Variants in DOP1A observed in about 807,000 individuals in gnomAD.
DOP1A encodes DOP1 leucine zipper like protein A, also known as protein DOP1A.
A neutral mutation model predicts 267.6 loss-of-function variants in DOP1A; 90 were observed. The observed-to-expected ratio is 0.34, with a 90% CI of 0.28 to 0.40. DOP1A has a LOEUF of 0.40. Ranked by LOEUF, DOP1A falls within the 10% of genes least tolerant of loss-of-function variation. The probability of loss-of-function intolerance (pLI) is 1.00; values close to 1 mark genes in which losing one functional copy is unlikely to be tolerated. For synonymous variants in DOP1A, 932 were observed against 999.1 expected, an observed-to-expected ratio of 0.93 and a Z score of 1.27; for missense variants, 2,437 against 2,900.4, an observed-to-expected ratio of 0.84 and a Z score of 3.67.
At chr6:83,136,609 C>T (rs1012490310) in intron 20 of DOP1A, among the ~76,000 whole-genome samples, 10 of 152,098 alleles carry the variant, frequency 6.6e-5, no homozygotes, top group African/African-American at 2.4e-4. Flanking sequence ...CATAGTCCTA[C>T]TTCATCTCTA....
Position 83,121,964 on chromosome 6 carries a change from G to T in DOP1A, c.1134G>T (p.Val378=), listed in dbSNP as rs1776439827. The change falls in exon 11 of 39, where the codon GTG becomes GTT. Residue 378 remains valine (V), a synonymous_variant. Transcript: ENST00000349129. Reference sequence around the variant, plus strand: ...TTCTAGAAGATGTCCTGATTGAAGTGTTTAGAACATTATATTCTCAATGCA... The same window carrying T: ...TTCTAGAAGATGTCCTGATTGAAGTTTTTAGAACATTATATTCTCAATGCA... ...PVILEDVLIE[V]FRTLYSQCKA... 1 of 1,610,690 alleles carries T rather than the reference G, an allele frequency of 6.2e-7. No homozygotes were observed. Among genetic ancestry groups the T allele is most frequent in the African/African-American group, 1.3e-5 (1 of 74,784 alleles).
At chr6:83,130,439 C>T (rs745644116) in intron 17 of DOP1A, 42 bp downstream of exon 17, 13 of 1,564,998 alleles carry the variant, frequency 8.3e-6, no homozygotes, top group African/African-American at 2.7e-5. Context: ...ATGATTACAG[C>T]CATGTATGAT....
chr6:83,094,674 T>C (rs1253904705), intron 1 of DOP1A, among the ~76,000 whole-genome samples: 1 of 152,242 alleles, frequency 6.6e-6, no homozygotes, highest in Middle Eastern at 3.2e-3. Flanking sequence ...TGACCATTTG[T>C]ACATTTTCCT....
chr6:83,166,761 T>G (rs2128460119), intron 38 of DOP1A: 2 of 1,098,180 alleles, frequency 1.8e-6, no homozygotes, highest in African/African-American at 3.3e-5. Context: ...AAGCTGGATT[T>G]TGCATCTGCT....
chr6:83,100,627 A>G, intron 3 of DOP1A, 78 bp from the exon 4 acceptor site: 2 of 1,024,784 alleles, frequency 2.0e-6, no homozygotes, highest in Non-Finnish European at 2.7e-6. Context: ...CATTTTTTAT[A>G]ATACTATGCT....
chr6:83,161,387 A>G (rs1784198545), intron 37 of DOP1A: 1 of 152,212 alleles, frequency 6.6e-6, no homozygotes, highest in Non-Finnish European at 1.5e-5. Context: ...CCATATTTGG[A>G]AAGTTCAAAA....
chr6:83,075,948 C>T (rs1442307480), intron 1 of DOP1A, among the ~76,000 whole-genome samples: 2 of 152,070 alleles, frequency 1.3e-5, no homozygotes, highest in East Asian at 1.9e-4. Context: ...TTGGATATGA[C>T]AGCAAAAGCA....
chr6:83,118,834 A>C, intron 7 of DOP1A, 54 bp from the exon 8 acceptor site: 2 of 1,497,208 alleles, frequency 1.3e-6, no homozygotes, highest in Non-Finnish European at 1.8e-6. Context: ...AAAGAGGAAA[A>C]AAATAATATA....
intron 27 of DOP1A, among the ~76,000 whole-genome samples, chr6:83,149,776 G>A (rs555710299): frequency 1.5e-4 from 23 of 152,190 alleles, no homozygotes; most frequent in African/African-American, 5.3e-4. Flanking sequence ...GATAAAGAAG[G>A]AGAAGGGGCC....
chr6:83,151,913 G>A lies in DOP1A; in HGVS notation c.5935G>A (p.Gly1979Ser). ...DVTHKIVDAI[G>S]AIAGSSLEQT... is the part of the protein sequence containing the mutation. ...AACTCACAAAATAGTGGATGCAATTGGTGCAATTGCTGGTTCTTCTCTGGA... is the reference window on the plus strand; with the variant it reads ...AACTCACAAAATAGTGGATGCAATTAGTGCAATTGCTGGTTCTTCTCTGGA... Residue 1979 changes from glycine to serine, a missense_variant, in exon 29 of 39, where the codon GGT (glycine) becomes AGT (serine). Physicochemically the swap from Gly to Ser is moderately conservative, Grantham distance 56. Coordinates refer to ENST00000349129, the MANE Select transcript of DOP1A (RefSeq NM_015018.4). The A allele has an allele frequency of 6.2e-7, 1 of 1,613,664 alleles. No individual in the cohort carries two copies. Among genetic ancestry groups the A allele is most frequent in the Non-Finnish European group, 8.5e-7 (1 of 1,179,806 alleles).
chr6:83,068,876 T>C (rs567216700), intron 1 of DOP1A, among the ~76,000 whole-genome samples: 1 of 152,364 alleles, frequency 6.6e-6, no homozygotes, highest in South Asian at 2.1e-4. Flanking sequence ...CCACAACTGA[T>C]AACTAAATCA....
chr6:83,139,376 G>C (rs1779277159), intron 21 of DOP1A, among the ~76,000 whole-genome samples: 1 of 152,038 alleles, frequency 6.6e-6, no homozygotes. Flanking sequence ...ATTTAAACAG[G>C]CTTATTTTCT....
At chr6:83,165,703 C>T in intron 38 of DOP1A, 1 of 220,114 alleles carries the variant, frequency 4.5e-6, no homozygotes, top group South Asian at 6.6e-5. Flanking sequence ...GGCAAGAGGT[C>T]AGGTGAATAT....
At chr6:83,152,196 C>G (rs978608171) in intron 29 of DOP1A, 92 bp from the exon 30 acceptor site, 1 of 698,920 alleles carries the variant, frequency 1.4e-6, no homozygotes, top group East Asian at 3.3e-5. Flanking sequence ...TATATATATA[C>G]ATATATAAAA....
At chr6:83,163,306 T>G (rs1784669730) in intron 38 of DOP1A, among the ~76,000 whole-genome samples, 1 of 152,156 alleles carries the variant, frequency 6.6e-6, no homozygotes, top group Non-Finnish European at 1.5e-5. Flanking sequence ...AATGTTCATC[T>G]TAATGCCATG....
At position 83,138,875 on chromosome 6, in the gene DOP1A, A is replaced by G. The variant is rs758781512; in HGVS notation, c.4833A>G (p.Val1611=). 4 of 1,613,944 alleles carry G rather than the reference A, an allele frequency of 2.5e-6. No individual in the cohort carries two copies. The highest frequency in any genetic ancestry group is 4.5e-5 in the East Asian group (2 of 44,890). The stretch of plus-strand genomic sequence containing the variant: ...ATGAAACAGGTTTTGATTTTGTTGT[A>G]TCTGACTTAGAACACATCAGTCCCC... ...EENETGFDFV[V]SDLEHISPHQ... is the part of the protein sequence containing the mutation. Residue 1611 remains valine, a synonymous_variant, in exon 21 of 39, where the codon GTA becomes GTG. Coordinates refer to ENST00000349129, the MANE Select transcript of DOP1A (RefSeq NM_015018.4).
intron 7 of DOP1A, among the ~76,000 whole-genome samples, chr6:83,116,100 A>G (rs1775391187): frequency 6.6e-6 from 1 of 152,222 alleles, no homozygotes. Flanking sequence ...CTGATCTCAC[A>G]TTGATATGTA....
At chr6:83,155,024 T>C (rs181083956) in intron 33 of DOP1A, among the ~76,000 whole-genome samples, 9 of 152,258 alleles carry the variant, frequency 5.9e-5, no homozygotes, top group Non-Finnish European at 1.2e-4. Flanking sequence ...CTAACCTTAA[T>C]CAAATTTTAA....
In DOP1A at chr6:83,132,047, C is replaced by G. The variant is rs1224965552; in HGVS notation, c.2617-129C>G. 4.7e-6 allele frequency: 5 copies of G among 1,065,766 alleles called. No individual in the cohort carries two copies. In the Admixed American group the frequency reaches 6.7e-5, roughly 14 times the overall value. The allele number at this position is 1,065,766 out of a possible 1,614,324, so 66.0% of individuals were successfully genotyped here. A position where few individuals can be genotyped will look rare whatever the true frequency, so the allele number is the denominator to read the frequency against. On this transcript the variant is annotated intron_variant, in intron 17 of 38. Transcript: ENST00000349129. Reference sequence around the variant, plus strand: ...GAAGACTGCCTTAGTAACCTCATCCCCATGCAGTAGAATATTAAAAGCCTT... The same window carrying G: ...GAAGACTGCCTTAGTAACCTCATCCGCATGCAGTAGAATATTAAAAGCCTT...
Sources: allele counts gnomAD v4.1 joint callset (sites outside exome capture counted in the v4.1 genomes callset), GRCh38; gene constraint gnomAD v4.1.1; transcripts MANE v1.5; gene names NCBI Gene and HGNC (gene_info 2026-07-23, HGNC 2026-07-21).